GLI3: variants seen among roughly 807,000 people sequenced by gnomAD.
GLI3 encodes GLI family zinc finger 3.
Under a neutral mutation model 100.8 loss-of-function variants are expected in GLI3, and 20 were observed. That is an observed-to-expected ratio of 0.20 (90% CI 0.14 to 0.29). GLI3 has a LOEUF of 0.29. Ranked by LOEUF, GLI3 falls within the 10% of genes least tolerant of loss-of-function variation. GLI3 has a pLI of 1.00. For synonymous variants in GLI3, 938 were observed against 860.5 expected, an observed-to-expected ratio of 1.09 and a Z score of -1.58; for missense variants, 2,040 against 2,128.5, an observed-to-expected ratio of 0.96 and a Z score of 0.82.
At chr7:42,142,295 C>G (rs1245487551) in intron 3 of GLI3, among the ~76,000 whole-genome samples, 2 of 152,104 alleles carry the variant, frequency 1.3e-5, no homozygotes, top group African/African-American at 2.4e-5. Context: ...AGCACCAGAG[C>G]AGTGGCCAAT....
intron 2 of GLI3, among the ~76,000 whole-genome samples, chr7:42,149,496 G>GA (rs1214517985): frequency 6.6e-6 from 1 of 152,104 alleles, no homozygotes; most frequent in African/African-American, 2.4e-5. Flanking sequence ...ACAACAAGTG[G>GA]ACCAATTCAT....
intron 1 of GLI3, among the ~76,000 whole-genome samples, chr7:42,254,288 G>A (rs1371579083): frequency 2.7e-5 from 4 of 150,600 alleles, no homozygotes; most frequent in African/African-American, 9.7e-5. Context: ...AAACCAAGAT[G>A]ACCTAGTTCA....
chr7:42,101,668 T>TTTTATTTA (rs3057240), intron 3 of GLI3, among the ~76,000 whole-genome samples: 55,402 of 147,642 alleles, frequency 0.38, 11,181 homozygotes, highest in African/African-American at 0.53. Flanking sequence ...GCTAGTATCT[T>TTTTATTTA]TTTATTTATT....
rs1368444715 is a variant in GLI3, at chr7:42,092,686, G to A, written c.368-15829C>T. Among the ~76,000 whole-genome samples, 3 of 152,212 alleles carry A rather than the reference G, an allele frequency of 2.0e-5. No individual in the cohort carries two copies. The East Asian group carries it at 5.8e-4, about 29-fold the overall frequency. ...GGCTTTTATCTCAGAACCACAGGAG[G>A]AACGCACCAGAGTCAGCTCTTCAGT... On this transcript the variant is annotated intron_variant, in intron 3 of 14. Transcript: ENST00000395925.
chr7:42,244,605 C>A (rs908581142), intron 1 of GLI3, among the ~76,000 whole-genome samples: 3 of 152,012 alleles, frequency 2.0e-5, no homozygotes, highest in African/African-American at 7.2e-5. Context: ...TTTGTATGGG[C>A]CAGGCAATTA....
At chr7:42,259,275 T>C (rs1789115623) in intron 1 of GLI3, among the ~76,000 whole-genome samples, 1 of 152,346 alleles carries the variant, frequency 6.6e-6, no homozygotes, top group South Asian at 2.1e-4. Context: ...TTCATGAGCC[T>C]GTCAACCATA....
At chr7:42,031,711 G>A (rs1471183430) in intron 7 of GLI3, among the ~76,000 whole-genome samples, 1 of 152,212 alleles carries the variant, frequency 6.6e-6, no homozygotes, top group Non-Finnish European at 1.5e-5. Context: ...TTACTAACCA[G>A]AGCAGGTGTA....
intron 4 of GLI3, 36 bp downstream of exon 4, chr7:42,076,716 T>C (rs1364125189): frequency 7.7e-7 from 1 of 1,305,124 alleles, no homozygotes; most frequent in African/African-American, 1.4e-5. Context: ...CAGCATCTCG[T>C]TCCATTTCAT....
intron 7 of GLI3, among the ~76,000 whole-genome samples, chr7:42,038,373 T>C (rs1784063798): frequency 1.3e-5 from 2 of 151,210 alleles, no homozygotes; most frequent in South Asian, 2.1e-4. Context: ...CATCCTGCCA[T>C]TGCAGATCCA....
At position 42,092,860 on chromosome 7, in the gene GLI3, C is replaced by G. The variant is rs574316422; in HGVS notation, c.368-16003G>C. Among the ~76,000 whole-genome samples, 405 of 151,882 alleles carry G rather than the reference C, an allele frequency of 2.7e-3. 1 individual carries two copies. Among genetic ancestry groups the G allele is most frequent in the South Asian group, 0.015 (70 of 4,802 alleles). ...ACGGAGTCTTGCTCTGTTGCCCAGG[C>G]TGGAGTGCAGTGGTGCGATCTCAGC... On this transcript the variant is annotated intron_variant, in intron 3 of 14. Transcript: ENST00000395925.
intron 10 of GLI3, among the ~76,000 whole-genome samples, chr7:42,010,416 C>T (rs894783008): frequency 2.0e-5 from 3 of 152,150 alleles, no homozygotes; most frequent in African/African-American, 2.4e-5. Context: ...TTAGGATAAT[C>T]GATAGCACAC....
chr7:42,221,979 G>A (rs905644588), intron 2 of GLI3, among the ~76,000 whole-genome samples: 1 of 152,188 alleles, frequency 6.6e-6, no homozygotes, highest in Non-Finnish European at 1.5e-5. Context: ...GCAGGTTTAA[G>A]AGCCAGCTCC....
At chr7:42,070,540 T>A (rs1262096321) in intron 4 of GLI3, among the ~76,000 whole-genome samples, 2 of 152,220 alleles carry the variant, frequency 1.3e-5, no homozygotes, top group African/African-American at 4.8e-5. Flanking sequence ...GCTGAGTAAC[T>A]TCTCTATGTC....
At chr7:42,022,555 A>G (rs1001369860) in intron 10 of GLI3, among the ~76,000 whole-genome samples, 4 of 152,222 alleles carry the variant, frequency 2.6e-5, no homozygotes, top group African/African-American at 9.6e-5. Context: ...CCAATTTTTC[A>G]TATTAAAAGT....
Position 42,044,606 on chromosome 7 carries a change from A to C in GLI3, c.826+778T>G, listed in dbSNP as rs375211691. ...AAAAAGTTTTTATTTTTTCCAAATA[A>C]GCTATTTGGCAACTATTGATAACTT... On this transcript the variant is annotated intron_variant, in intron 6 of 14. Transcript: ENST00000395925. Among the ~76,000 whole-genome samples the C allele has an allele frequency of 8.5e-5, 13 of 152,278 alleles. No individual in the cohort carries two copies. In the South Asian group the frequency reaches 2.7e-3, roughly 32 times the overall value.
At chr7:42,213,915 G>C (rs1262074413) in intron 2 of GLI3, among the ~76,000 whole-genome samples, 2 of 152,244 alleles carry the variant, frequency 1.3e-5, no homozygotes, top group East Asian at 3.8e-4. Context: ...CAGCCGGGCA[G>C]GGCTGTCCCC....
chr7:42,067,338 C>A (rs1282336404), intron 4 of GLI3, among the ~76,000 whole-genome samples: 3 of 152,074 alleles, frequency 2.0e-5, no homozygotes, highest in African/African-American at 7.2e-5. Context: ...AGGCAAGAAG[C>A]ATTTTAGTAA....
intron 3 of GLI3, among the ~76,000 whole-genome samples, chr7:42,106,911 GA>G (rs1384396708): frequency 6.6e-6 from 1 of 151,944 alleles, no homozygotes; most frequent in African/African-American, 2.4e-5. Flanking sequence ...TTTTGGAGGG[GA>G]GGGGGCGGTG....
chr7:42,032,884 G>A (rs846334), intron 7 of GLI3, among the ~76,000 whole-genome samples: 94,199 of 152,126 alleles, frequency 0.62, 30,846 homozygotes, highest in African/African-American at 0.85. Context: ...CAATCCACAG[G>A]ACATTCTTAA....
Sources: gnomAD v4.1 joint callset for allele counts (sites outside exome capture counted in the v4.1 genomes callset) on GRCh38, gnomAD v4.1.1 for gene constraint, MANE v1.5 for transcripts, NCBI Gene and HGNC (gene_info 2026-07-23, HGNC 2026-07-21) for gene names.